Variants in DNM1L observed in about 807,000 individuals in gnomAD.
DNM1L encodes dynamin-1-like protein.
Under a neutral mutation model 92.8 loss-of-function variants are expected in DNM1L, and 33 were observed. The ratio of observed to expected loss-of-function variants is 0.36; its 90% CI spans 0.27 to 0.48. The LOEUF (loss-of-function observed/expected upper bound fraction) is 0.48. DNM1L is among the 20% of genes least tolerant of loss of function. The pLI is 0.99. For missense variants in DNM1L, 485 were observed against 888.8 expected (o/e 0.55, Z 5.78); for synonymous variants, 284 against 305.0 (o/e 0.93, Z 0.72).
rs558964733 is a variant in DNM1L, at chr12:32,732,219, A to G, written c.1446+276A>G. Among the ~76,000 whole-genome samples, 30 of 152,270 alleles carry G rather than the reference A, an allele frequency of 2.0e-4. 1 individual carries two copies. The South Asian group carries it at 6.2e-3, about 32-fold the overall frequency. ...ATAGATTTATGATTGAGGGGTGTGAATAGCTTTGCTGTATTATTTAGTACC... is the reference window on the plus strand; with the variant it reads ...ATAGATTTATGATTGAGGGGTGTGAGTAGCTTTGCTGTATTATTTAGTACC... On this transcript the variant is annotated intron_variant, in intron 12 of 19. Transcript: ENST00000549701.
intron 2 of DNM1L, 140 bp from the exon 3 acceptor site, chr12:32,707,227 C>A: frequency 3.3e-6 from 2 of 604,432 alleles, no homozygotes; most frequent in Non-Finnish European, 5.8e-6. Flanking sequence ...TTTAGCAGAC[C>A]TTAAAATACT....
At chr12:32,730,192 C>T (rs1317821527) in intron 9 of DNM1L, among the ~76,000 whole-genome samples, 2 of 151,514 alleles carry the variant, frequency 1.3e-5, no homozygotes, top group Admixed American at 6.6e-5. Flanking sequence ...GGTGAAACCC[C>T]GTCTCTACTA....
rs186194241 is a variant in DNM1L, at chr12:32,709,951, A to T, written c.370-978A>T. ...AAGGATATTAAAAACTTGCTGGGAA[A>T]TTAGAATTTTCAGTGGGCTAATGAG... On this transcript the variant is annotated intron_variant, in intron 4 of 19. Transcript: ENST00000549701. 2.1e-3 allele frequency among the ~76,000 whole-genome samples: 325 copies of T among 152,334 alleles called. 1 individual carries two copies. Among genetic ancestry groups the T allele is most frequent in the Middle Eastern group, 0.02 (6 of 294 alleles).
intron 5 of DNM1L, among the ~76,000 whole-genome samples, chr12:32,711,560 C>T (rs1592609756): frequency 6.6e-6 from 1 of 150,428 alleles, no homozygotes; most frequent in East Asian, 1.9e-4. Context: ...CATTTATTGG[C>T]AACTCATAAA....
At chr12:32,724,748 G>A (rs1479702297) in intron 9 of DNM1L, among the ~76,000 whole-genome samples, 1 of 149,566 alleles carries the variant, frequency 6.7e-6, no homozygotes, top group Non-Finnish European at 1.5e-5. Flanking sequence ...CTGTTTTCCA[G>A]TTTAGTTGTC....
Position 32,731,030 on chromosome 12 carries a change from ATT to A in DNM1L, c.1098_1099del (p.Ile366MetfsTer6). 6.2e-7 allele frequency: 1 copy of A among 1,613,936 alleles called. No homozygotes were observed. The highest frequency in any genetic ancestry group is 8.5e-7 in the Non-Finnish European group (1 of 1,179,956). On this transcript the variant is annotated frameshift_variant, in exon 10 of 20. Coordinates refer to ENST00000549701, the MANE Select transcript of DNM1L (RefSeq NM_012062.5). LOFTEE classifies it high-confidence loss of function. The surrounding 1 kb of genome is among the most constrained non-coding windows in gnomAD (Gnocchi z 5.1). The stretch of plus-strand genomic sequence containing the variant: ...GCCTTTCAGATGCGGTGGTGCTAGA[ATT>A]TGTTATATTTTCCATGAGACTTTTG... ...ETSELCGGAR[I>X]CYIFHETFGR... is the part of the protein sequence containing the mutation.
intron 1 of DNM1L, among the ~76,000 whole-genome samples, chr12:32,683,819 A>G (rs1951894635): frequency 6.6e-6 from 1 of 152,110 alleles, no homozygotes; most frequent in Non-Finnish European, 1.5e-5. Context: ...CTGGAATTAC[A>G]GACATGAGCC....
intron 6 of DNM1L, among the ~76,000 whole-genome samples, chr12:32,717,790 A>G (rs1457888344): frequency 8.3e-6 from 1 of 121,048 alleles, no homozygotes; most frequent in Non-Finnish European, 1.6e-5. Flanking sequence ...GTAGATATAT[A>G]TATTTGTAAC....
Position 32,743,592 on chromosome 12 carries a change from T to A in DNM1L, c.*182T>A. On this transcript the variant is annotated 3_prime_UTR_variant, in exon 20 of 20. Transcript: ENST00000549701. Reference sequence around the variant, plus strand: ...GAACACATCACACATTTAATCCAAATAATAAATGGCTGTTTCTAAAGTTTC... The same window carrying A: ...GAACACATCACACATTTAATCCAAAAAATAAATGGCTGTTTCTAAAGTTTC... 1.7e-6 allele frequency: 1 copy of A among 600,610 alleles called. No homozygotes were observed. The highest frequency in any genetic ancestry group is 2.9e-6 in the Non-Finnish European group (1 of 340,132). 37.2% of individuals were successfully genotyped at this position (600,610 alleles called of 1,614,324 possible). A position where few individuals can be genotyped will look rare whatever the true frequency, so the allele number is the denominator to read the frequency against.
intron 1 of DNM1L, chr12:32,679,802 C>T (rs1951735988): frequency 1.9e-6 from 2 of 1,026,590 alleles, no homozygotes; most frequent in Admixed American, 5.7e-5. Context: ...GCCTCGTCCG[C>T]GTGCCGCTGC....
At chr12:32,710,104 T>C (rs1310686440) in intron 4 of DNM1L, among the ~76,000 whole-genome samples, 1 of 152,150 alleles carries the variant, frequency 6.6e-6, no homozygotes, top group Admixed American at 6.5e-5. Context: ...ATCCTAATAC[T>C]TGTAGAGGGC....
At chr12:32,728,217 A>T (rs764367217) in intron 9 of DNM1L, 5 of 152,248 alleles carry the variant, frequency 3.3e-5, no homozygotes, top group Admixed American at 1.3e-4. Context: ...TTTATACGTG[A>T]ATTTGTGTGT....
In DNM1L at chr12:32,740,049, A is replaced by G; in HGVS notation, c.1708-15A>G. On this transcript the variant is annotated splice_polypyrimidine_tract_variant and intron_variant, in intron 16 of 19. Coordinates refer to ENST00000549701, the MANE Select transcript of DNM1L (RefSeq NM_012062.5). ...ATATGATGTGGTTGGTATGTTTTGG[A>G]ACATGTTTTTTCAGGTTGCATCTGG... The G allele has an allele frequency of 6.2e-7, 1 of 1,614,116 alleles. No homozygotes were observed. Among genetic ancestry groups the G allele is most frequent in the Non-Finnish European group, 8.5e-7 (1 of 1,179,954 alleles).
intron 2 of DNM1L, among the ~76,000 whole-genome samples, chr12:32,703,057 C>CT (rs781211967): frequency 0.093 from 12,982 of 139,844 alleles, 678 homozygotes; most frequent in South Asian, 0.21. Flanking sequence ...CTCTCTCTCT[C>CT]TTTTTTTTTT....
In DNM1L at chr12:32,702,963, T is replaced by C. The variant is rs142375544; in HGVS notation, c.250+1401T>C. 2.6e-4 allele frequency among the ~76,000 whole-genome samples: 38 copies of C among 148,830 alleles called. No individual in the cohort carries two copies. The East Asian group carries it at 6.0e-3, about 24-fold the overall frequency. ...CTTCAAATATATAGAATAACACTTA[T>C]AAAATTTCATCCCCACTGATTTCAT... On this transcript the variant is annotated intron_variant, in intron 2 of 19. Transcript: ENST00000549701.
intron 6 of DNM1L, among the ~76,000 whole-genome samples, chr12:32,717,932 A>G (rs1321098627): frequency 4.9e-5 from 4 of 81,592 alleles, no homozygotes; most frequent in Non-Finnish European, 9.1e-5. Context: ...TATATATTTT[A>G]TATATATATA....
At chr12:32,717,341 C>A (rs7138115) in intron 6 of DNM1L, among the ~76,000 whole-genome samples, 3 of 82,946 alleles carry the variant, frequency 3.6e-5, no homozygotes, top group South Asian at 2.9e-4. Flanking sequence ...TTTATATATA[C>A]TATATATTAT....
rs991389776 is a variant in DNM1L at position 32,740,069 on chromosome 12, A to G, written c.1713A>G (p.Ala571=). Residue 571 remains alanine, a synonymous_variant, in exon 17 of 20, where the codon GCA becomes GCG. Transcript: ENST00000549701. ...QDSRRETKNV[A]SGGGGVGDGV... ...TTTGGAACATGTTTTTTCAGGTTGC[A>G]TCTGGAGGTGGTGGGGTTGGAGATG... is the stretch of plus-strand genomic sequence containing the variant. The G allele has an allele frequency of 2.1e-5, 34 of 1,614,062 alleles. No homozygotes were observed. The Admixed American group carries it at 4.8e-4, about 23-fold the overall frequency.
chr12:32,713,625 TGGC>T (rs1953228022), intron 6 of DNM1L, among the ~76,000 whole-genome samples: 1 of 152,144 alleles, frequency 6.6e-6, no homozygotes, highest in African/African-American at 2.4e-5. Flanking sequence ...AATAATACGG[TGGC>T]TTTGCAAAAA....
Sources: gnomAD v4.1 joint callset for allele counts (sites outside exome capture counted in the v4.1 genomes callset) on GRCh38, gnomAD v4.1.1 for gene constraint, Gnocchi (gnomAD v3.1) non-coding constraint, MANE v1.5 for transcripts, NCBI Gene and HGNC (gene_info 2026-07-23, HGNC 2026-07-21) for gene names.